The following HSD17B4 variants were observed in gnomAD, a reference collection of about 807,000 sequenced individuals.
HSD17B4 encodes peroxisomal multifunctional enzyme type 2.
HSD17B4 carries 70 observed loss-of-function variants against 101.0 expected under a neutral mutation model. The ratio of observed to expected loss-of-function variants is 0.69; its 90% confidence interval spans 0.57 to 0.85. The LOEUF (loss-of-function observed/expected upper bound fraction) is 0.85. Ranked by LOEUF, HSD17B4 falls within the 40% of genes least tolerant of loss-of-function variation. HSD17B4 has a pLI of 0.00. For synonymous variants in HSD17B4, 347 were observed against 297.1 expected, an observed-to-expected ratio of 1.17 and a Z score of -1.73; for missense variants, 984 against 892.4, an observed-to-expected ratio of 1.10 and a Z score of -1.31.
intron 14 of HSD17B4, among the ~76,000 whole-genome samples, chr5:119,506,252 T>C (rs1359866652): frequency 2.0e-5 from 3 of 152,024 alleles, no homozygotes; most frequent in East Asian, 3.9e-4. Flanking sequence ...CACTTATGAG[T>C]GAGAACGTGC....
chr5:119,474,011 CTATGG>C lies in HSD17B4; in HGVS notation c.220+5_220+9del. The C allele has an allele frequency of 1.3e-6, 2 of 1,518,988 alleles. No homozygotes were observed. Among genetic ancestry groups the C allele is most frequent in the Non-Finnish European group, 1.8e-6 (2 of 1,094,166 alleles). 94.1% of individuals were successfully genotyped at this position (1,518,988 alleles called of 1,614,324 possible). A position where few individuals can be genotyped will look rare whatever the true frequency, so the allele number is the denominator to read the frequency against. On this transcript the variant is annotated splice_donor_variant and coding_sequence_variant, in exon 3 of 24. Coordinates refer to ENST00000510025, the MANE Select transcript of HSD17B4 (RefSeq NM_000414.4). LOFTEE classifies it high-confidence loss of function. ...GGAGAGGTGGAAAAGCAGTGGCCAA[CTATGG>C]TATGGTATTTGAGAGAACTATACTA...
chr5:119,476,539 G>T, intron 6 of HSD17B4: 1 of 984,020 alleles, frequency 1.0e-6, no homozygotes, highest in Non-Finnish European at 1.2e-6. Context: ...TGTGTTTTGG[G>T]GGAATAGTGC....
At chr5:119,503,766 A>T (rs1424406480) in intron 14 of HSD17B4, among the ~76,000 whole-genome samples, 4 of 150,916 alleles carry the variant, frequency 2.7e-5, no homozygotes, top group African/African-American at 4.9e-5. Context: ...GGTTTTATAT[A>T]AACTTTATTA....
chr5:119,469,094 T>C (rs1756100650), intron 2 of HSD17B4, among the ~76,000 whole-genome samples: 1 of 151,886 alleles, frequency 6.6e-6, no homozygotes, highest in African/African-American at 2.4e-5. Flanking sequence ...ATATATCTTT[T>C]TGTTGAATTT....
intron 22 of HSD17B4, among the ~76,000 whole-genome samples, chr5:119,533,857 G>T (rs1256251406): frequency 6.6e-6 from 1 of 152,054 alleles, no homozygotes; most frequent in Non-Finnish European, 1.5e-5. Context: ...TTCACTTTAT[G>T]GAATAATGGT....
intron 1 of HSD17B4, among the ~76,000 whole-genome samples, chr5:119,455,818 A>G (rs1754575719): frequency 6.6e-6 from 1 of 152,164 alleles, no homozygotes; most frequent in Admixed American, 6.5e-5. Flanking sequence ...TGAGGCTGTC[A>G]TTGGAGCTGT....
At chr5:119,496,284 A>G (rs1750643535) in intron 11 of HSD17B4, among the ~76,000 whole-genome samples, 1 of 152,218 alleles carries the variant, frequency 6.6e-6, no homozygotes, top group Non-Finnish European at 1.5e-5. Flanking sequence ...GTGCCGCCTT[A>G]GAATCAGATA....
intron 2 of HSD17B4, among the ~76,000 whole-genome samples, chr5:119,457,623 T>C (rs1754805145): frequency 6.6e-6 from 1 of 152,200 alleles, no homozygotes; most frequent in South Asian, 2.1e-4. Context: ...GAATAGCTCA[T>C]GTTGAGGCCT....
chr5:119,537,855 C>G (rs144159699), intron 23 of HSD17B4, among the ~76,000 whole-genome samples: 1 of 152,162 alleles, frequency 6.6e-6, no homozygotes, highest in African/African-American at 2.4e-5. Flanking sequence ...TTTGCCAACC[C>G]TTGAGTTAGA....
chr5:119,481,582 G>A (rs1376054467), intron 8 of HSD17B4, among the ~76,000 whole-genome samples: 2 of 152,126 alleles, frequency 1.3e-5, no homozygotes, highest in African/African-American at 2.4e-5. Context: ...TTTACACTAT[G>A]CTGTAGTTTA....
At chr5:119,476,641 G>A (rs1748610612) in intron 6 of HSD17B4, 2 of 985,232 alleles carry the variant, frequency 2.0e-6, no homozygotes, top group Non-Finnish European at 2.4e-6. Context: ...AACAACTGGG[G>A]TAAAAAAGAA....
intron 2 of HSD17B4, among the ~76,000 whole-genome samples, chr5:119,458,052 A>G (rs534279973): frequency 1.3e-5 from 2 of 152,340 alleles, no homozygotes; most frequent in East Asian, 1.9e-4. Context: ...AATTCTAAGA[A>G]AAAATTAAAC....
chr5:119,531,608 T>C (rs1754123929), intron 22 of HSD17B4, among the ~76,000 whole-genome samples: 1 of 151,640 alleles, frequency 6.6e-6, no homozygotes. Flanking sequence ...TGTGTGTGTG[T>C]GTAAGAGATG....
Position 119,536,441 on chromosome 5 carries a change from G to A in HSD17B4, c.2012G>A (p.Gly671Asp), listed in dbSNP as rs1242241178. The A allele has an allele frequency of 1.2e-6, 2 of 1,612,392 alleles. No individual in the cohort carries two copies. The highest frequency in any genetic ancestry group is 1.1e-5 in the South Asian group (1 of 91,054). ...GAKWTIDLKS[G>D]SGKVYQGPAK... ...TTCCCAGCTATTGACCTGAAAAGTGGTTCTGGAAAAGTGTACCAAGGCCCT... is the reference window on the plus strand; with the variant it reads ...TTCCCAGCTATTGACCTGAAAAGTGATTCTGGAAAAGTGTACCAAGGCCCT... The change falls in exon 23 of 24, where the codon GGT becomes GAT. Residue 671 changes from glycine to aspartate, a missense_variant. By Grantham distance (94) the Gly-to-Asp change is moderately conservative (BLOSUM62 -1). Transcript: ENST00000510025.
At chr5:119,511,836 A>C in intron 16 of HSD17B4, among the ~76,000 whole-genome samples, 1 of 152,180 alleles carries the variant, frequency 6.6e-6, no homozygotes, top group Non-Finnish European at 1.5e-5. Context: ...ATGCCCAGTT[A>C]GCAACAAAAA....
intron 11 of HSD17B4, among the ~76,000 whole-genome samples, chr5:119,495,345 T>G (rs963637368): frequency 6.6e-6 from 1 of 152,230 alleles, no homozygotes; most frequent in African/African-American, 2.4e-5. Flanking sequence ...TAATTGTAAG[T>G]GAAAAGATAC....
chr5:119,481,178 A>G (rs976323147), intron 8 of HSD17B4, among the ~76,000 whole-genome samples: 1 of 152,206 alleles, frequency 6.6e-6, no homozygotes, highest in African/African-American at 2.4e-5. Flanking sequence ...GGGAAGTGAT[A>G]AGTGTCCATG....
intron 22 of HSD17B4, among the ~76,000 whole-genome samples, chr5:119,532,403 C>A (rs1451511524): frequency 1.3e-5 from 2 of 151,872 alleles, no homozygotes; most frequent in Non-Finnish European, 2.9e-5. Flanking sequence ...TAGCCTGATT[C>A]TGTATATGTT....
intron 1 of HSD17B4, among the ~76,000 whole-genome samples, chr5:119,455,245 G>T (rs1754494091): frequency 6.6e-6 from 1 of 152,210 alleles, no homozygotes; most frequent in Non-Finnish European, 1.5e-5. Context: ...GCTGGGGATG[G>T]TGGTGGCTCA....
Sources: gnomAD v4.1 joint callset for allele counts (sites outside exome capture counted in the v4.1 genomes callset) on GRCh38, gnomAD v4.1.1 for gene constraint, MANE v1.5 for transcripts, NCBI Gene and HGNC (gene_info 2026-07-23, HGNC 2026-07-21) for gene names.